Variants in WIF1 observed in about 807,000 individuals in gnomAD.
WIF1 encodes Wnt inhibitory factor 1.
Under a neutral mutation model 53.5 loss-of-function variants are expected in WIF1, and 35 were observed. That is an observed-to-expected ratio of 0.65 (90% CI 0.50 to 0.87). WIF1 has a LOEUF of 0.87. Ranked by LOEUF, WIF1 falls within the 40% of genes least tolerant of loss-of-function variation. The pLI is 0.00. For missense variants in WIF1, 467 were observed against 476.8 expected (o/e 0.98, Z 0.19); for synonymous variants, 171 against 170.4 (o/e 1.00, Z -0.03).
chr12:65,077,784 T>C lies in WIF1; in HGVS notation c.359A>G (p.Asn120Ser). The change falls in exon 3 of 10, where the codon AAT (asparagine) becomes AGT (serine). Residue 120 changes from asparagine to serine, a missense_variant. Physicochemically the swap from Asn to Ser is conservative, Grantham distance 46 (BLOSUM62 1). Transcript: ENST00000286574. ...DKGIMADPTV[N>S]VPLLGTVPHK... ...AGGCACTGTTCCCAGCAGAGGGACA[T>C]TGACGGTTGGATCTGCCATGATGCC... The C allele has an allele frequency of 6.2e-7, 1 of 1,613,872 alleles. No homozygotes were observed. Among genetic ancestry groups the C allele is most frequent in the Non-Finnish European group, 8.5e-7 (1 of 1,179,848 alleles).
chr12:65,084,623 C>G (rs978352), intron 2 of WIF1, among the ~76,000 whole-genome samples: 1 of 152,036 alleles, frequency 6.6e-6, no homozygotes, highest in Non-Finnish European at 1.5e-5. Context: ...AATGGGACTA[C>G]ATATTTTTTC....
Position 65,051,235 on chromosome 12 carries a change from AAAATTCAGGCCAGTATTCTT to A in WIF1, c.*94_*113del. 1 of 1,342,928 alleles carries A rather than the reference AAAATTCAGGCCAGTATTCTT, an allele frequency of 7.4e-7. No individual in the cohort carries two copies. The highest frequency in any genetic ancestry group is 1.7e-5 in the South Asian group (1 of 58,414). The allele number at this position is 1,342,928 out of a possible 1,614,324, so 83.2% of individuals were successfully genotyped here. On this transcript the variant is annotated 3_prime_UTR_variant, in exon 10 of 10. Coordinates refer to ENST00000286574, the MANE Select transcript of WIF1 (RefSeq NM_007191.5). ...CTCAGTGATTTATAATGAAGCTAATAAAATTCAGGCCAGTATTCTTAAGTGTAATGAACATTATTTGAACA... is the reference window on the plus strand; with the variant it reads ...CTCAGTGATTTATAATGAAGCTAATAAAGTGTAATGAACATTATTTGAACA...
chr12:65,103,768 C>T (rs1883314211), intron 2 of WIF1, among the ~76,000 whole-genome samples: 1 of 152,136 alleles, frequency 6.6e-6, no homozygotes. Context: ...AATTCAAACC[C>T]AGGCTCTGCA....
chr12:65,075,785 A>G (rs548402651), intron 3 of WIF1, among the ~76,000 whole-genome samples: 1 of 152,300 alleles, frequency 6.6e-6, no homozygotes, highest in East Asian at 1.9e-4. Flanking sequence ...AGGATTTTAA[A>G]GCCTCTGCAT....
At chr12:65,118,877 G>GAAGA (rs1555188672) in intron 2 of WIF1, among the ~76,000 whole-genome samples, 1 of 151,230 alleles carries the variant, frequency 6.6e-6, no homozygotes, top group African/African-American at 2.4e-5. Flanking sequence ...AGGGAGAGGG[G>GAAGA]GAGAGAGAGA....
chr12:65,118,617 GA>G (rs1883548322), intron 2 of WIF1, among the ~76,000 whole-genome samples: 1 of 152,086 alleles, frequency 6.6e-6, no homozygotes, highest in Non-Finnish European at 1.5e-5. Context: ...ACTTAAGCAG[GA>G]GAAAAAAATA....
Position 65,066,658 on chromosome 12 carries a change from C to T in WIF1, c.713G>A (p.Gly238Glu), listed in dbSNP as rs889946577. ...GFCICPPGFY[G>E]VNCDKANCST... ...ACTGTTACCTTTGTCACAGTTCACTCCATAGAATCCAGGTGGGCAGATGCA... is the reference window on the plus strand; with the variant it reads ...ACTGTTACCTTTGTCACAGTTCACTTCATAGAATCCAGGTGGGCAGATGCA... Residue 238 changes from glycine to glutamate, a missense_variant, in exon 6 of 10, where the codon GGA becomes GAA. Gly to Glu is a moderately conservative substitution (Grantham distance 98). Coordinates refer to ENST00000286574, the MANE Select transcript of WIF1 (RefSeq NM_007191.5). 1 of 1,608,418 alleles carries T rather than the reference C, an allele frequency of 6.2e-7. No individual in the cohort carries two copies. The highest frequency in any genetic ancestry group is 1.3e-5 in the African/African-American group (1 of 74,600).
At chr12:65,097,697 G>T (rs953760284) in intron 2 of WIF1, among the ~76,000 whole-genome samples, 6 of 152,078 alleles carry the variant, frequency 3.9e-5, no homozygotes, top group African/African-American at 1.4e-4. Flanking sequence ...AAAAAATCAA[G>T]TCCTTCCTCA....
intron 9 of WIF1, among the ~76,000 whole-genome samples, chr12:65,054,433 G>C (rs573706657): frequency 6.6e-6 from 1 of 152,204 alleles, no homozygotes; most frequent in South Asian, 2.1e-4. Flanking sequence ...TTCATGCTTA[G>C]CACAGGAGAG....
chr12:65,084,155 A>G (rs896663947), intron 2 of WIF1, among the ~76,000 whole-genome samples: 4 of 152,098 alleles, frequency 2.6e-5, no homozygotes, highest in South Asian at 4.1e-4. Flanking sequence ...ATATCTTATG[A>G]TTCTGTACCT....
At chr12:65,119,143 TTATTACTGATTTCACAA>T (rs1425185107) in intron 2 of WIF1, among the ~76,000 whole-genome samples, 4 of 152,192 alleles carry the variant, frequency 2.6e-5, no homozygotes, top group African/African-American at 9.7e-5. Context: ...ATTCGTTGGT[TTATTACTGATTTCACAA>T]TATTCCCAAC....
intron 2 of WIF1, among the ~76,000 whole-genome samples, chr12:65,098,154 A>G: frequency 6.6e-6 from 1 of 152,196 alleles, no homozygotes; most frequent in Admixed American, 6.6e-5. Context: ...ATAGGTTAAC[A>G]TAGGGTCAGG....
intron 2 of WIF1, among the ~76,000 whole-genome samples, chr12:65,117,155 T>C (rs1242823063): frequency 6.6e-6 from 1 of 152,058 alleles, no homozygotes; most frequent in East Asian, 1.9e-4. Context: ...ATAAACAGCA[T>C]GATGAGGAAC....
At chr12:65,113,628 G>A (rs1393145807) in intron 2 of WIF1, among the ~76,000 whole-genome samples, 1 of 151,762 alleles carries the variant, frequency 6.6e-6, no homozygotes, top group Non-Finnish European at 1.5e-5. Context: ...GCAAAAGTTT[G>A]AGAAACTTAC....
rs80111521 is a variant in WIF1, at chr12:65,068,410, G to T, written c.538+354C>A. Among the ~76,000 whole-genome samples the T allele has an allele frequency of 5.8e-3, 888 of 152,210 alleles. 7 individuals carry two copies. Among genetic ancestry groups the T allele is most frequent in the Non-Finnish European group, 0.011 (728 of 67,994 alleles). The stretch of plus-strand genomic sequence containing the variant: ...GTAATTATGAGCCACCTTGCCTTGA[G>T]CAAACAGAGCAAGAAAGGGGGAAAT... On this transcript the variant is annotated intron_variant, in intron 4 of 9. Transcript: ENST00000286574.
intron 1 of WIF1, chr12:65,120,792 A>G (rs746061938): frequency 1.3e-6 from 1 of 788,512 alleles, no homozygotes; most frequent in Non-Finnish European, 1.9e-6. Flanking sequence ...CCGACGCAAA[A>G]AAATGCCGGG....
Position 65,119,835 on chromosome 12 carries a change from A to G in WIF1, c.288+582T>C, listed in dbSNP as rs145333504. Among the ~76,000 whole-genome samples the G allele has an allele frequency of 9.3e-3, 1,416 of 152,346 alleles. 24 individuals are homozygous for G. The highest frequency in any genetic ancestry group is 0.032 in the African/African-American group (1,333 of 41,592). ...TGCTTCTTCATAAAAAATAGATTCC[A>G]GTTTTCTTTTCCATATGAAAGCATT... On this transcript the variant is annotated intron_variant, in intron 2 of 9. Transcript: ENST00000286574.
At position 65,120,444 on chromosome 12, in the gene WIF1, C is replaced by T; in HGVS notation, c.261G>A (p.Met87Ile). 6.2e-7 allele frequency: 1 copy of T among 1,613,350 alleles called. No homozygotes were observed. The highest frequency in any genetic ancestry group is 1.1e-5 in the South Asian group (1 of 90,732). Residue 87 changes from methionine to isoleucine, a missense_variant, in exon 2 of 10, where the codon ATG (methionine) becomes ATA (isoleucine). Transcript: ENST00000286574. ...MPAIPVNIHS[M>I]NFTWQAAGQA... is the part of the protein sequence containing the mutation. The stretch of plus-strand genomic sequence containing the variant: ...GCCCTGCAGCTTGCCAGGTAAAATT[C>T]ATGGAATGGATATTGACAGGAATAG...
At chr12:65,116,762 G>A (rs963060884) in intron 2 of WIF1, among the ~76,000 whole-genome samples, 5 of 151,152 alleles carry the variant, frequency 3.3e-5, no homozygotes, top group Admixed American at 6.6e-5. Flanking sequence ...GTGAAACCCC[G>A]TCTCTACTAA....
Sources: gnomAD v4.1 joint callset for allele counts (sites outside exome capture counted in the v4.1 genomes callset) on GRCh38, gnomAD v4.1.1 for gene constraint, MANE v1.5 for transcripts, NCBI Gene and HGNC (gene_info 2026-07-23, HGNC 2026-07-21) for gene names.